Variants in FRMD3 observed in about 807,000 individuals in gnomAD.
FRMD3 encodes FERM domain containing 3.
In FRMD3, 33 loss-of-function variants were observed where a neutral mutation model predicts 70.2. The observed-to-expected ratio is 0.47, with a 90% CI of 0.36 to 0.63. FRMD3 has a LOEUF of 0.63. FRMD3 is among the 20% of genes least tolerant of loss of function. The pLI, the probability that FRMD3 is intolerant of heterozygous loss-of-function variation, is 0.00. For missense variants in FRMD3, 632 were observed against 711.4 expected, an observed-to-expected ratio of 0.89 and a Z score of 1.27; for synonymous variants, 279 against 255.9, an observed-to-expected ratio of 1.09 and a Z score of -0.86.
intron 1 of FRMD3, among the ~76,000 whole-genome samples, chr9:83,411,885 G>A (rs1211348824): frequency 1.3e-5 from 2 of 152,118 alleles, no homozygotes; most frequent in African/African-American, 4.8e-5. Context: ...ATGATTCTTC[G>A]AAATTTGCAC....
At chr9:83,452,508 G>T (rs1255902218) in intron 1 of FRMD3, among the ~76,000 whole-genome samples, 1 of 152,122 alleles carries the variant, frequency 6.6e-6, no homozygotes, top group African/African-American at 2.4e-5. Context: ...TTGAGACGGA[G>T]TCTCGCTCCG....
chr9:83,531,152 C>A (rs745957131), intron 1 of FRMD3, among the ~76,000 whole-genome samples: 1 of 152,126 alleles, frequency 6.6e-6, no homozygotes, highest in African/African-American at 2.4e-5. Flanking sequence ...GAGGATAGAG[C>A]CATCCCAAAT....
chr9:83,354,933 C>T (rs1310541365), intron 3 of FRMD3, among the ~76,000 whole-genome samples: 4 of 152,066 alleles, frequency 2.6e-5, no homozygotes, highest in Non-Finnish European at 5.9e-5. Flanking sequence ...AATTGTAAGT[C>T]ATTGAACAAG....
chr9:83,278,576 G>A (rs781170827), intron 13 of FRMD3, among the ~76,000 whole-genome samples: 25 of 152,118 alleles, frequency 1.6e-4, no homozygotes, highest in African/African-American at 3.9e-4. Context: ...GAAGTTTGAC[G>A]GGAAAGGCAA....
rs1828536844 is a variant in FRMD3 at position 83,480,307 on chromosome 9, A to T, written c.147+57778T>A. Among the ~76,000 whole-genome samples, 3 of 152,180 alleles carry T rather than the reference A, an allele frequency of 2.0e-5. No individual in the cohort carries two copies. In the South Asian group the frequency reaches 6.2e-4, roughly 32 times the overall value. On this transcript the variant is annotated intron_variant, in intron 1 of 13. Transcript: ENST00000304195. Reference sequence around the variant, plus strand: ...TGCAGCATTGTGACTGAATTGTAACAATATATTGTACAGTCAGCCCTCCAT... The same window carrying T: ...TGCAGCATTGTGACTGAATTGTAACTATATATTGTACAGTCAGCCCTCCAT...
chr9:83,524,207 T>C (rs965390227), intron 1 of FRMD3, among the ~76,000 whole-genome samples: 3 of 152,254 alleles, frequency 2.0e-5, no homozygotes, highest in Non-Finnish European at 4.4e-5. Flanking sequence ...AAAGGGCAGA[T>C]AGAAAATTTC....
chr9:83,522,541 C>T (rs1298117996), intron 1 of FRMD3, among the ~76,000 whole-genome samples: 1 of 149,134 alleles, frequency 6.7e-6, no homozygotes, highest in East Asian at 1.9e-4. Flanking sequence ...AGAAATAAAC[C>T]ACAAATTTTA....
At chr9:83,422,015 A>G (rs1826657854) in intron 1 of FRMD3, among the ~76,000 whole-genome samples, 1 of 152,180 alleles carries the variant, frequency 6.6e-6, no homozygotes, top group Admixed American at 6.5e-5. Flanking sequence ...ACCGGAGGTC[A>G]GGTGTTCAAG....
intron 1 of FRMD3, among the ~76,000 whole-genome samples, chr9:83,430,807 C>G (rs1237925081): frequency 6.6e-6 from 1 of 152,208 alleles, no homozygotes; most frequent in Non-Finnish European, 1.5e-5. Flanking sequence ...GACCACTTGG[C>G]ACTGGCTCAG....
upstream of FRMD3, among the ~76,000 whole-genome samples, chr9:83,541,919 C>A (rs1014138690): frequency 4.6e-5 from 7 of 152,142 alleles, no homozygotes; most frequent in Non-Finnish European, 7.4e-5. Context: ...CCAAAGACAA[C>A]CAGAAACATT....
At chr9:83,448,521 G>T (rs1272735559) in intron 1 of FRMD3, among the ~76,000 whole-genome samples, 3 of 152,180 alleles carry the variant, frequency 2.0e-5, no homozygotes, top group African/African-American at 7.2e-5. Context: ...AAATAGAGGT[G>T]CATTTGCAGT....
chr9:83,521,996 G>A (rs973140603), intron 1 of FRMD3, among the ~76,000 whole-genome samples: 2 of 152,162 alleles, frequency 1.3e-5, no homozygotes, highest in Admixed American at 6.5e-5. Context: ...GGGCCCCTCA[G>A]TGGCTGCTCC....
At position 83,452,682 on chromosome 9, in the gene FRMD3, C is replaced by G. The variant is rs561149802; in HGVS notation, c.148-62974G>C. On this transcript the variant is annotated intron_variant, in intron 1 of 13. Transcript: ENST00000304195. Reference sequence around the variant, plus strand: ...TATTTTTAGTAGAGACGGGGTTTCACCGTGTTAGCCAGGATGGTCTCCATC... The same window carrying G: ...TATTTTTAGTAGAGACGGGGTTTCAGCGTGTTAGCCAGGATGGTCTCCATC... Among the ~76,000 whole-genome samples the G allele has an allele frequency of 7.9e-5, 12 of 152,074 alleles. No homozygotes were observed. In the South Asian group the frequency reaches 1.0e-3, roughly 13 times the overall value.
intron 1 of FRMD3, among the ~76,000 whole-genome samples, chr9:83,482,363 G>C (rs1828588107): frequency 6.6e-6 from 1 of 152,168 alleles, no homozygotes; most frequent in African/African-American, 2.4e-5. Flanking sequence ...TCTGTCAGGT[G>C]GTCAACAGCA....
intron 1 of FRMD3, among the ~76,000 whole-genome samples, chr9:83,517,911 GA>G (rs1829489990): frequency 1.3e-5 from 2 of 152,282 alleles, no homozygotes; most frequent in Middle Eastern, 3.4e-3. Context: ...AATAGATGCA[GA>G]AAAGGTCTTT....
chr9:83,406,119 T>A (rs1260765868), intron 1 of FRMD3, among the ~76,000 whole-genome samples: 1 of 152,136 alleles, frequency 6.6e-6, no homozygotes, highest in Non-Finnish European at 1.5e-5. Flanking sequence ...ATAAACAGCA[T>A]TGCTAAGGAG....
intron 5 of FRMD3, among the ~76,000 whole-genome samples, chr9:83,340,196 A>T (rs1823710275): frequency 6.6e-6 from 1 of 152,112 alleles, no homozygotes; most frequent in Non-Finnish European, 1.5e-5. Context: ...AAACCTGTCA[A>T]TCACCTGGAG....
At chr9:83,582,171 A>G in the FRMD3 span, among the ~76,000 whole-genome samples, 9 of 152,138 alleles carry the variant, frequency 5.9e-5, no homozygotes, top group Non-Finnish European at 1.0e-4. Flanking sequence ...TCCTGGGCTC[A>G]AGTGATCCTC....
intron 1 of FRMD3, among the ~76,000 whole-genome samples, chr9:83,492,073 G>T (rs545818398): frequency 9.2e-5 from 14 of 152,278 alleles, no homozygotes; most frequent in Middle Eastern, 3.4e-3. Flanking sequence ...AACACACCCT[G>T]GGCCCCCAAG....
Sources: allele counts gnomAD v4.1 joint callset (sites outside exome capture counted in the v4.1 genomes callset), GRCh38; gene constraint gnomAD v4.1.1; transcripts MANE v1.5; gene names NCBI Gene and HGNC (gene_info 2026-07-23, HGNC 2026-07-21).